TMEM131L: variants seen among roughly 807,000 people sequenced by gnomAD.
TMEM131L encodes the protein transmembrane 131 like, also known as transmembrane protein 131-like.
A neutral mutation model predicts 192.2 loss-of-function variants in TMEM131L; 54 were observed. That is an observed-to-expected ratio of 0.28 (90% CI 0.23 to 0.35). The LOEUF (loss-of-function observed/expected upper bound fraction) is 0.35, where lower values mean the gene tolerates loss of function less well. Among genes scored for constraint, TMEM131L ranks in the 10% least tolerant of loss-of-function variants. The pLI is 1.00. For synonymous variants in TMEM131L, 701 were observed against 704.9 expected (o/e 0.99, Z 0.09); for missense variants, 1,888 against 1,972.9 (o/e 0.96, Z 0.82).
At chr4:153,602,454 G>GT (rs1441887287) in intron 22 of TMEM131L, 88 bp from the exon 23 acceptor site, 6 of 1,521,078 alleles carry the variant, frequency 3.9e-6, no homozygotes, top group Middle Eastern at 1.7e-4. Context: ...TATTTCTTTT[G>GT]TAGGAGTATG....
chr4:153,597,889 T>C (rs918725989), intron 20 of TMEM131L, among the ~76,000 whole-genome samples: 10 of 152,132 alleles, frequency 6.6e-5, no homozygotes, highest in African/African-American at 2.4e-4. Context: ...GCCGTGATCA[T>C]GCCACTGCAC....
At chr4:153,486,569 C>T (rs113695677) in intron 3 of TMEM131L, among the ~76,000 whole-genome samples, 11 of 152,336 alleles carry the variant, frequency 7.2e-5, no homozygotes, top group African/African-American at 2.6e-4. Context: ...TTCTTCGGAC[C>T]TGTCTGTTCT....
intron 15 of TMEM131L, among the ~76,000 whole-genome samples, chr4:153,588,080 C>G (rs1293153905): frequency 6.9e-6 from 1 of 144,600 alleles, no homozygotes; most frequent in Non-Finnish European, 1.5e-5. Context: ...GTTCGATCAT[C>G]ACAGCACCCA....
intron 7 of TMEM131L, among the ~76,000 whole-genome samples, chr4:153,574,701 C>T (rs1729818123): frequency 6.6e-6 from 1 of 152,222 alleles, no homozygotes. Context: ...AATTCCCCAG[C>T]TTCAGCCTCC....
chr4:153,587,651 C>A (rs969574648), intron 14 of TMEM131L, 91 bp from the exon 15 acceptor site: 2 of 930,914 alleles, frequency 2.1e-6, no homozygotes, highest in Non-Finnish European at 3.6e-6. Context: ...CACTGAGGTG[C>A]AGACCAATGT....
chr4:153,514,602 T>C lies in TMEM131L; in HGVS notation c.240-35471T>C, dbSNP rs10028749. 7.2e-3 allele frequency among the ~76,000 whole-genome samples: 1,098 copies of C among 152,308 alleles called. 14 individuals are homozygous for C. The highest frequency in any genetic ancestry group is 0.025 in the African/African-American group (1,044 of 41,556). On this transcript the variant is annotated intron_variant, in intron 3 of 34. Transcript: ENST00000409959. ...AACTATGAACTAGGTACCATTAAGA[T>C]AGGTATCATTAGTAGCCCCATTTTA...
At chr4:153,552,306 AG>A (rs1737686466) in intron 4 of TMEM131L, among the ~76,000 whole-genome samples, 1 of 152,230 alleles carries the variant, frequency 6.6e-6, no homozygotes, top group African/African-American at 2.4e-5. Flanking sequence ...TAATAGTAGT[AG>A]TAAGTATAGC....
At chr4:153,510,920 A>G (rs1580105919) in intron 3 of TMEM131L, among the ~76,000 whole-genome samples, 2 of 152,066 alleles carry the variant, frequency 1.3e-5, no homozygotes, top group East Asian at 3.9e-4. Context: ...AAAACCGGAA[A>G]GATGACTTAA....
At chr4:153,544,112 A>G (rs1736997367) in intron 3 of TMEM131L, among the ~76,000 whole-genome samples, 1 of 151,736 alleles carries the variant, frequency 6.6e-6, no homozygotes, top group South Asian at 2.1e-4. Flanking sequence ...TGAAACACCC[A>G]CTGTCCTTTC....
chr4:153,587,656 C>A, intron 14 of TMEM131L, 86 bp from the exon 15 acceptor site: 1 of 967,214 alleles, frequency 1.0e-6, no homozygotes, highest in Non-Finnish European at 1.7e-6. Flanking sequence ...AGGTGCAGAC[C>A]AATGTCTGCT....
intron 7 of TMEM131L, among the ~76,000 whole-genome samples, chr4:153,569,414 A>G (rs1053146249): frequency 1.3e-5 from 2 of 152,210 alleles, no homozygotes; most frequent in African/African-American, 2.4e-5. Flanking sequence ...ATCTGCCCCA[A>G]GGCCACACTG....
At chr4:153,468,383 A>G (rs921027470) in intron 2 of TMEM131L, among the ~76,000 whole-genome samples, 11 of 151,750 alleles carry the variant, frequency 7.2e-5, no homozygotes, top group African/African-American at 2.4e-4. Flanking sequence ...AAAGGGCCCC[A>G]TCAGGATGAG....
chr4:153,621,769 G>A lies in TMEM131L; in HGVS notation c.3779G>A (p.Cys1260Tyr). The change falls in exon 28 of 35, where the codon TGT (cysteine) becomes TAT (tyrosine). Residue 1260 changes from cysteine (C) to tyrosine (Y), a missense_variant. Physicochemically the swap from Cys to Tyr is radical, Grantham distance 194 (BLOSUM62 -2). Coordinates refer to ENST00000409959, the MANE Select transcript of TMEM131L (RefSeq NM_001131007.2). Reference protein sequence around the residue: ...LSSDINVRSWCIQESTREVCK... With the variant: ...LSSDINVRSWYIQESTREVCK... ...AGTGACATCAATGTAAGAAGCTGGT[G>A]TATACAGGAAAGCACTAGGGAGGTT... 6.2e-7 allele frequency: 1 copy of A among 1,614,216 alleles called. No individual in the cohort carries two copies. Among genetic ancestry groups the A allele is most frequent in the Non-Finnish European group, 8.5e-7 (1 of 1,180,024 alleles).
chr4:153,635,323 C>A, intron 33 of TMEM131L, 109 bp from the exon 34 acceptor site: 2 of 987,360 alleles, frequency 2.0e-6, no homozygotes, highest in Non-Finnish European at 3.1e-6. Flanking sequence ...GTATTTATGT[C>A]TGTAACTTGT....
intron 7 of TMEM131L, among the ~76,000 whole-genome samples, chr4:153,561,920 G>C (rs1167756831): frequency 6.6e-6 from 1 of 150,916 alleles, no homozygotes; most frequent in Non-Finnish European, 1.5e-5. Flanking sequence ...TAATTTTTTT[G>C]GCTGGTCTTT....
At chr4:153,528,931 C>T (rs962078431) in intron 3 of TMEM131L, among the ~76,000 whole-genome samples, 8 of 152,230 alleles carry the variant, frequency 5.3e-5, no homozygotes, top group Middle Eastern at 3.4e-3. Flanking sequence ...GGCACCCTTT[C>T]GGTAGGGTAA....
intron 3 of TMEM131L, among the ~76,000 whole-genome samples, chr4:153,480,114 C>A (rs894826458): frequency 6.6e-6 from 1 of 152,102 alleles, no homozygotes; most frequent in Non-Finnish European, 1.5e-5. Context: ...CTGAGGCGGG[C>A]AGATCAGGAG....
intron 19 of TMEM131L, among the ~76,000 whole-genome samples, chr4:153,594,644 A>G (rs1288712291): frequency 6.6e-6 from 1 of 152,166 alleles, no homozygotes; most frequent in East Asian, 1.9e-4. Context: ...TTCTTTCTTT[A>G]TCTTTATCCC....
At chr4:153,633,685 T>C (rs1734380907) in intron 32 of TMEM131L, among the ~76,000 whole-genome samples, 1 of 152,244 alleles carries the variant, frequency 6.6e-6, no homozygotes, top group African/African-American at 2.4e-5. Context: ...TTTGATGGTT[T>C]TCTTGGTTCA....
Sources: gnomAD v4.1 joint callset for allele counts (sites outside exome capture counted in the v4.1 genomes callset) on GRCh38, gnomAD v4.1.1 for gene constraint, MANE v1.5 for transcripts, NCBI Gene and HGNC (gene_info 2026-07-23, HGNC 2026-07-21) for gene names.